Variants in COG5 observed in about 807,000 individuals in gnomAD.
COG5 encodes the protein conserved oligomeric Golgi complex subunit 5.
In COG5, 86 loss-of-function variants were observed where a neutral mutation model predicts 110.4. That is an observed-to-expected ratio of 0.78 (90% CI 0.65 to 0.93). The LOEUF is 0.93. Ranked by LOEUF, COG5 falls within the 40% of genes least tolerant of loss-of-function variation. COG5 has a pLI of 0.00. For synonymous variants in COG5, 360 were observed against 334.6 expected, an observed-to-expected ratio of 1.08 and a Z score of -0.83; for missense variants, 1,077 against 987.0, an observed-to-expected ratio of 1.09 and a Z score of -1.22.
intron 6 of COG5, among the ~76,000 whole-genome samples, chr7:107,523,575 G>T (rs1175517604): frequency 6.6e-6 from 1 of 152,188 alleles, no homozygotes; most frequent in African/African-American, 2.4e-5. Flanking sequence ...AGCACTTTGG[G>T]AGGCCGAGAA....
intron 14 of COG5, among the ~76,000 whole-genome samples, chr7:107,261,699 T>C (rs1340515012): frequency 6.6e-6 from 1 of 152,190 alleles, no homozygotes; most frequent in African/African-American, 2.4e-5. Flanking sequence ...TCTTACTGTT[T>C]ACTCCAACTC....
intron 7 of COG5, among the ~76,000 whole-genome samples, chr7:107,390,825 T>A (rs1790570662): frequency 6.7e-6 from 1 of 150,078 alleles, no homozygotes; most frequent in South Asian, 2.2e-4. Flanking sequence ...CGCTCTCCAA[T>A]CAATAAGGCT....
chr7:107,520,853 A>G (rs1052942327), intron 6 of COG5, among the ~76,000 whole-genome samples: 6 of 152,212 alleles, frequency 3.9e-5, no homozygotes, highest in Non-Finnish European at 8.8e-5. Context: ...CCTAAGCAAA[A>G]GGAACAAAAC....
At chr7:107,304,426 G>C (rs1179346817) in intron 11 of COG5, among the ~76,000 whole-genome samples, 1 of 152,016 alleles carries the variant, frequency 6.6e-6, no homozygotes, top group Non-Finnish European at 1.5e-5. Flanking sequence ...TTTCCTCTGT[G>C]TTTCTTTTAC....
chr7:107,351,074 T>C (rs892458187), intron 10 of COG5, among the ~76,000 whole-genome samples: 8 of 152,208 alleles, frequency 5.3e-5, no homozygotes, highest in African/African-American at 1.7e-4. Context: ...ATCTGGTCCC[T>C]ATACAAGTAA....
At chr7:107,454,782 T>A (rs34084719) in intron 6 of COG5, among the ~76,000 whole-genome samples, 1 of 151,924 alleles carries the variant, frequency 6.6e-6, no homozygotes, top group Non-Finnish European at 1.5e-5. Flanking sequence ...GGCAGATTTG[T>A]GAGGTGATGC....
intron 21 of COG5, among the ~76,000 whole-genome samples, chr7:107,206,281 G>T (rs1428316466): frequency 6.6e-6 from 1 of 152,104 alleles, no homozygotes; most frequent in Non-Finnish European, 1.5e-5. Flanking sequence ...TAACATGTAA[G>T]TTCATACCAT....
Position 107,214,541 on chromosome 7 carries a change from T to G in COG5, c.2169-3316A>C, listed in dbSNP as rs184822088. Among the ~76,000 whole-genome samples the G allele has an allele frequency of 4.5e-3, 678 of 152,292 alleles. 3 individuals are homozygous for G. The highest frequency in any genetic ancestry group is 0.016 in the African/African-American group (650 of 41,566). On this transcript the variant is annotated intron_variant, in intron 19 of 21. Coordinates refer to ENST00000297135, the MANE Select transcript of COG5 (RefSeq NM_006348.5). ...ACACAAAAATCAATGCTATAAATAA[T>G]ATAGAGTCATACTCAGAAAAACCTA...
chr7:107,469,740 T>C (rs1221287944), intron 6 of COG5, among the ~76,000 whole-genome samples: 1 of 152,072 alleles, frequency 6.6e-6, no homozygotes, highest in African/African-American at 2.4e-5. Context: ...AGAAAGCATA[T>C]ATACTTTTTA....
At chr7:107,273,520 G>C (rs1021211103) in intron 14 of COG5, among the ~76,000 whole-genome samples, 1 of 152,172 alleles carries the variant, frequency 6.6e-6, no homozygotes, top group Non-Finnish European at 1.5e-5. Context: ...TGCTTCAACA[G>C]ATATAAAAGC....
chr7:107,432,007 T>C (rs1324532035), intron 6 of COG5, among the ~76,000 whole-genome samples: 2 of 152,118 alleles, frequency 1.3e-5, no homozygotes, highest in Non-Finnish European at 2.9e-5. Context: ...AAAGAACTGC[T>C]ATTTTAAACA....
chr7:107,407,622 T>C (rs1401472654), intron 7 of COG5, among the ~76,000 whole-genome samples: 1 of 151,446 alleles, frequency 6.6e-6, no homozygotes. Flanking sequence ...ATCTTCTTTT[T>C]TTTTTTTTTT....
chr7:107,234,754 G>A (rs1161566376), intron 18 of COG5, among the ~76,000 whole-genome samples: 1 of 151,916 alleles, frequency 6.6e-6, no homozygotes, highest in Admixed American at 6.6e-5. Context: ...GAGGAGAACA[G>A]AGACCATCTG....
Position 107,508,265 on chromosome 7 carries a change from CAG to C in COG5, c.538+18970_538+18971del, listed in dbSNP as rs560929814. Among the ~76,000 whole-genome samples, 32 of 152,340 alleles carry C rather than the reference CAG, an allele frequency of 2.1e-4. 2 individuals carry two copies. The South Asian group carries it at 5.2e-3, about 25-fold the overall frequency. ...CCTGGCTCGGAGGGTCCTATGCCCA[CAG>C]AGTCTCGCTGATTGCTAGCACAGCA... On this transcript the variant is annotated intron_variant, in intron 6 of 21. Coordinates refer to ENST00000297135, the MANE Select transcript of COG5 (RefSeq NM_006348.5).
chr7:107,489,971 C>T (rs900180973), intron 6 of COG5, among the ~76,000 whole-genome samples: 2 of 152,072 alleles, frequency 1.3e-5, no homozygotes, highest in African/African-American at 4.8e-5. Flanking sequence ...CAGCATAATA[C>T]CTGCCATACA....
At chr7:107,471,358 C>A (rs1584866803) in intron 6 of COG5, 1 of 152,098 alleles carries the variant, frequency 6.6e-6, no homozygotes, top group East Asian at 1.9e-4. Flanking sequence ...AACCAATTTT[C>A]TTCTTTTCAC....
At chr7:107,269,991 C>G (rs1176615204) in intron 14 of COG5, among the ~76,000 whole-genome samples, 1 of 152,166 alleles carries the variant, frequency 6.6e-6, no homozygotes, top group Non-Finnish European at 1.5e-5. Context: ...GCAAGAGGAT[C>G]TGGGGTTGAA....
intron 3 of COG5, among the ~76,000 whole-genome samples, chr7:107,552,772 T>G (rs1803007019): frequency 6.6e-6 from 1 of 152,096 alleles, no homozygotes; most frequent in Non-Finnish European, 1.5e-5. Context: ...GGATATATAT[T>G]CAAAAGAAAA....
At chr7:107,408,020 A>G (rs1791991398) in intron 7 of COG5, among the ~76,000 whole-genome samples, 1 of 152,224 alleles carries the variant, frequency 6.6e-6, no homozygotes. Flanking sequence ...TATTAAATGG[A>G]AATCAGACAC....
Sources: allele counts gnomAD v4.1 joint callset (sites outside exome capture counted in the v4.1 genomes callset), GRCh38; gene constraint gnomAD v4.1.1; transcripts MANE v1.5; gene names NCBI Gene and HGNC (gene_info 2026-07-23, HGNC 2026-07-21).